FHIT: variants seen among roughly 807,000 people sequenced by gnomAD.
FHIT encodes fragile histidine triad diadenosine triphosphatase, also known as bis(5'-adenosyl)-triphosphatase.
FHIT carries 19 observed loss-of-function variants against 17.9 expected under a neutral mutation model. The ratio of observed to expected loss-of-function variants is 1.06; its 90% CI spans 0.74 to 1.56. The LOEUF (loss-of-function observed/expected upper bound fraction) is 1.56, where lower values mean the gene tolerates loss of function less well. Among genes scored for constraint, FHIT ranks in the 40% most tolerant of loss-of-function variants. The pLI, the probability that FHIT is intolerant of heterozygous loss-of-function variation, is 0.00. For missense variants in FHIT, 248 were observed against 189.2 expected (o/e 1.31, Z -1.82); for synonymous variants, 81 against 69.7 (o/e 1.16, Z -0.81).
chr3:59,979,874 C>T (rs899234263), intron 7 of FHIT, among the ~76,000 whole-genome samples: 1 of 152,132 alleles, frequency 6.6e-6, no homozygotes, highest in African/African-American at 2.4e-5. Context: ...TCAGCACTTT[C>T]TTAATGGGAG....
intron 5 of FHIT, among the ~76,000 whole-genome samples, chr3:60,145,746 G>A (rs1009033832): frequency 1.3e-5 from 2 of 152,106 alleles, no homozygotes; most frequent in Admixed American, 6.6e-5. Context: ...CTATGTTAGA[G>A]AAACAAGACC....
At chr3:60,382,399 G>A (rs1322220747) in intron 5 of FHIT, among the ~76,000 whole-genome samples, 3 of 152,178 alleles carry the variant, frequency 2.0e-5, no homozygotes. Context: ...TGAGCGAAGT[G>A]TTTTTCTTCA....
In FHIT at chr3:60,154,327, GA is replaced by G. The variant is rs745466527; in HGVS notation, c.104-140176del. ...TTATTTTCCTTAGTAGGTGGCTGAT[GA>G]ACAGGTCAAAAACCAAACAGGCCAT... On this transcript the variant is annotated intron_variant, in intron 5 of 9. Coordinates refer to ENST00000492590, the MANE Select transcript of FHIT (RefSeq NM_002012.4). 2.6e-5 allele frequency among the ~76,000 whole-genome samples: 4 copies of G among 152,272 alleles called. No homozygotes were observed. The Middle Eastern group carries it at 0.01, about 388-fold the overall frequency.
chr3:60,372,585 C>A (rs1054269449), intron 5 of FHIT, among the ~76,000 whole-genome samples: 7 of 152,132 alleles, frequency 4.6e-5, no homozygotes, highest in Admixed American at 3.3e-4. Context: ...AGTACAAGTT[C>A]GGGCCGATCT....
rs1700706743 is a variant in FHIT, at chr3:59,748,249, CAAGT to C, written c.*1332_*1335del. Reference sequence around the variant, plus strand: ...ATATACTAAAATTCAAAAAGTGAATCAAGTAAATAATGCTCTAGGTGGTCCACAA... The same window carrying C: ...ATATACTAAAATTCAAAAAGTGAATCAAATAATGCTCTAGGTGGTCCACAA... On this transcript the variant is annotated 3_prime_UTR_variant, in exon 10 of 10. Transcript: ENST00000492590. Among the ~76,000 whole-genome samples, 1 of 151,686 alleles carries C rather than the reference CAAGT, an allele frequency of 6.6e-6. No individual in the cohort carries two copies.
intron 5 of FHIT, among the ~76,000 whole-genome samples, chr3:60,325,887 T>C (rs1464215865): frequency 6.6e-6 from 1 of 152,228 alleles, no homozygotes; most frequent in South Asian, 2.1e-4. Context: ...TACACAATTG[T>C]TCTTGAAATG....
chr3:61,055,675 G>A (rs966910193), intron 2 of FHIT, among the ~76,000 whole-genome samples: 1 of 152,146 alleles, frequency 6.6e-6, no homozygotes, highest in Admixed American at 6.5e-5. Flanking sequence ...CACAGATGGT[G>A]TCCTCAAGGA....
chr3:59,862,566 T>C (rs1458542246), intron 8 of FHIT, among the ~76,000 whole-genome samples: 3 of 152,240 alleles, frequency 2.0e-5, no homozygotes, highest in African/African-American at 7.2e-5. Context: ...ACACAGAGAA[T>C]GTTTCACAGG....
intron 4 of FHIT, among the ~76,000 whole-genome samples, chr3:60,753,283 G>A (rs1553717405): frequency 6.6e-6 from 1 of 151,440 alleles, no homozygotes; most frequent in Admixed American, 6.6e-5. Context: ...TGGAGTTAGG[G>A]AGTTATGGAT....
At chr3:60,942,427 C>A (rs1422801383) in intron 3 of FHIT, among the ~76,000 whole-genome samples, 2 of 151,976 alleles carry the variant, frequency 1.3e-5, no homozygotes, top group African/African-American at 4.8e-5. Flanking sequence ...CATAGGGTAT[C>A]CCTGTTAATT....
At chr3:61,197,484 A>C (rs7641177) in intron 2 of FHIT, among the ~76,000 whole-genome samples, 84,471 of 152,050 alleles carry the variant, frequency 0.56, 27,181 homozygotes, top group East Asian at 0.87. Context: ...AAAAATTAAC[A>C]AGTTTTGTTC....
chr3:60,949,934 G>A (rs1708804851), intron 3 of FHIT, among the ~76,000 whole-genome samples: 1 of 152,184 alleles, frequency 6.6e-6, no homozygotes, highest in African/African-American at 2.4e-5. Context: ...TAGCCATAAA[G>A]TGGAATACAG....
At chr3:60,222,361 G>A (rs986580688) in intron 5 of FHIT, among the ~76,000 whole-genome samples, 12 of 152,088 alleles carry the variant, frequency 7.9e-5, no homozygotes, top group African/African-American at 2.9e-4. Flanking sequence ...TCATTCACCT[G>A]CTCTCTGGTA....
intron 4 of FHIT, among the ~76,000 whole-genome samples, chr3:60,707,112 A>C (rs563696381): frequency 6.6e-6 from 1 of 152,344 alleles, no homozygotes; most frequent in South Asian, 2.1e-4. Flanking sequence ...TTCTGTAGGC[A>C]TGACTGGCAC....
At chr3:60,081,696 A>C (rs1296379363) in intron 5 of FHIT, among the ~76,000 whole-genome samples, 1 of 152,150 alleles carries the variant, frequency 6.6e-6, no homozygotes, top group African/African-American at 2.4e-5. Context: ...ATCCGATAAT[A>C]AGGAAAACCC....
chr3:61,199,621 T>G (rs2038956699), intron 2 of FHIT, among the ~76,000 whole-genome samples: 2 of 151,978 alleles, frequency 1.3e-5, no homozygotes, highest in African/African-American at 4.8e-5. Flanking sequence ...GCCCTCCAAA[T>G]AAACATGAAA....
At chr3:59,937,642 A>T (rs778519185) in intron 7 of FHIT, among the ~76,000 whole-genome samples, 2 of 152,208 alleles carry the variant, frequency 1.3e-5, no homozygotes, top group African/African-American at 4.8e-5. Context: ...ATGATTTGCT[A>T]TAAGTAATTT....
chr3:60,268,540 G>C (rs764403865), intron 5 of FHIT, among the ~76,000 whole-genome samples: 3 of 152,188 alleles, frequency 2.0e-5, no homozygotes, highest in Admixed American at 6.5e-5. Context: ...TGAGTAAGAA[G>C]AAAGGGAAAT....
intron 2 of FHIT, among the ~76,000 whole-genome samples, chr3:61,109,235 A>C (rs1468534158): frequency 6.6e-6 from 1 of 152,198 alleles, no homozygotes; most frequent in South Asian, 2.1e-4. Flanking sequence ...ACCTGATAGC[A>C]ATAACTTAAG....
Sources: allele counts gnomAD v4.1 joint callset (sites outside exome capture counted in the v4.1 genomes callset), GRCh38; gene constraint gnomAD v4.1.1; transcripts MANE v1.5; gene names NCBI Gene and HGNC (gene_info 2026-07-23, HGNC 2026-07-21).